Variants in POGZ observed in about 807,000 individuals in gnomAD.
POGZ encodes pogo transposable element derived with ZNF domain.
In POGZ, 17 loss-of-function variants were observed where a neutral mutation model predicts 134.6. The ratio of observed to expected loss-of-function variants is 0.13; its 90% CI spans 0.09 to 0.19. POGZ has a LOEUF of 0.19. Among genes scored for constraint, POGZ ranks in the 10% least tolerant of loss-of-function variants. POGZ has a pLI of 1.00. For synonymous variants in POGZ, 693 were observed against 657.1 expected (o/e 1.05, Z -0.84); for missense variants, 1,306 against 1,769.7 (o/e 0.74, Z 4.70).
Position 151,424,161 on chromosome 1 carries a change from A to G in POGZ, c.1311T>C (p.Ser437=). The change falls in exon 9 of 19, where the codon TCT becomes TCC. Residue 437 remains serine, a synonymous_variant. Transcript: ENST00000271715. ...EKTAPVASTP[S]STPIPALSPP... ...GTGACAGAGCAGGAATAGGTGTAGAAGAGGGTGTGGAAGCAACAGGAGCTG... is the reference window on the plus strand; with the variant it reads ...GTGACAGAGCAGGAATAGGTGTAGAGGAGGGTGTGGAAGCAACAGGAGCTG... 1 of 1,613,966 alleles carries G rather than the reference A, an allele frequency of 6.2e-7. No homozygotes were observed. Among genetic ancestry groups the G allele is most frequent in the Non-Finnish European group, 8.5e-7 (1 of 1,179,950 alleles).
At chr1:151,413,194 T>C (rs1225143175) in intron 10 of POGZ, among the ~76,000 whole-genome samples, 4 of 149,372 alleles carry the variant, frequency 2.7e-5, no homozygotes, top group Non-Finnish European at 5.9e-5. Context: ...CCTGAGTAGC[T>C]AGGACTATCC....
intron 1 of POGZ, among the ~76,000 whole-genome samples, chr1:151,445,653 C>A (rs1192764182): frequency 1.3e-5 from 2 of 151,156 alleles, no homozygotes; most frequent in African/African-American, 4.9e-5. Flanking sequence ...TAAGGTTTGT[C>A]AACTCAGAAA....
At position 151,406,148 on chromosome 1, in the gene POGZ, C is replaced by G; in HGVS notation, c.2887G>C (p.Gly963Arg). 6.2e-7 allele frequency: 1 copy of G among 1,614,110 alleles called. No individual in the cohort carries two copies. Among genetic ancestry groups the G allele is most frequent in the South Asian group, 1.1e-5 (1 of 91,080 alleles). ...TCCTTTTTGCCAACTCCACCACTAC[C>G]ACCACCACCTGATGCTAGCTCAGGT... is the stretch of plus-strand genomic sequence containing the variant. ...QEPELASGGGGSGGVGKKEQL... is the reference protein window; with the variant it reads ...QEPELASGGGRSGGVGKKEQL... The change falls in exon 19 of 19, where the codon GGT (glycine) becomes CGT (arginine). Residue 963 changes from glycine to arginine, a missense_variant. Physicochemically the swap from Gly to Arg is moderately radical, Grantham distance 125 (BLOSUM62 -2). This residue lies in a region of POGZ where 214 missense variants were observed against 255.5 expected (regional missense o/e 0.84). Coordinates refer to ENST00000271715, the MANE Select transcript of POGZ (RefSeq NM_015100.4).
At chr1:151,416,327 C>T (rs1655685809) in intron 10 of POGZ, among the ~76,000 whole-genome samples, 1 of 150,128 alleles carries the variant, frequency 6.7e-6, no homozygotes. Context: ...GAGGCCAAAG[C>T]GGGTGGCTCA....
intron 10 of POGZ, among the ~76,000 whole-genome samples, chr1:151,418,562 T>G (rs1321330856): frequency 6.6e-6 from 1 of 152,226 alleles, no homozygotes; most frequent in Non-Finnish European, 1.5e-5. Context: ...TTGTAAATTT[T>G]AAAATAGCTA....
chr1:151,428,220 G>C lies in POGZ; in HGVS notation c.762C>G (p.Ser254Arg). Residue 254 changes from serine (S) to arginine (R), a missense_variant, in exon 6 of 19, where the codon AGC becomes AGG. Ser to Arg is a moderately radical substitution (Grantham distance 110). Transcript: ENST00000271715. The part of the protein sequence containing the change: ...SQSQQTKSTP[S>R]TSTTPTATQP... ...GTGTGGCAGTGGGAGTGGTAGAAGT[G>C]CTGGGAGTGGACTTGGTCTGCTGGG... 6.2e-7 allele frequency: 1 copy of C among 1,614,006 alleles called. No homozygotes were observed. Among genetic ancestry groups the C allele is most frequent in the Non-Finnish European group, 8.5e-7 (1 of 1,179,872 alleles).
chr1:151,421,570 G>A (rs1656922995), intron 10 of POGZ, among the ~76,000 whole-genome samples: 1 of 152,144 alleles, frequency 6.6e-6, no homozygotes, highest in African/African-American at 2.4e-5. Context: ...AAAGAAAGAT[G>A]GGAAGATAAG....
chr1:151,423,462 T>G lies in POGZ; in HGVS notation c.1613A>C (p.Gln538Pro). Residue 538 changes from glutamine (Q) to proline (P), a missense_variant, in exon 10 of 19, where the codon CAG becomes CCG. Gln to Pro is a moderately conservative substitution (Grantham distance 76). Around this residue, in one of 10 missense-constraint regions of POGZ, gnomAD observed 541 missense variants for 680.5 expected, o/e 0.80. Coordinates refer to ENST00000271715, the MANE Select transcript of POGZ (RefSeq NM_015100.4). Reference protein sequence around the residue: ...GHTICQHCYRQFSTPFQLQCH... With the variant: ...GHTICQHCYRPFSTPFQLQCH... ...CTGAAGCTGGAAGGGAGTGGAAAACTGGCGGTAACAGTGCTGGCAGATAGT... is the reference window on the plus strand; with the variant it reads ...CTGAAGCTGGAAGGGAGTGGAAAACGGGCGGTAACAGTGCTGGCAGATAGT... 1 of 1,614,096 alleles carries G rather than the reference T, an allele frequency of 6.2e-7. No individual in the cohort carries two copies. The highest frequency in any genetic ancestry group is 8.5e-7 in the Non-Finnish European group (1 of 1,179,896).
At chr1:151,436,142 G>A (rs938235085) in intron 3 of POGZ, among the ~76,000 whole-genome samples, 1 of 151,638 alleles carries the variant, frequency 6.6e-6, no homozygotes, top group Non-Finnish European at 1.5e-5. Flanking sequence ...ATTTTTAGTA[G>A]AAACAGGGTT....
At chr1:151,425,224 C>A (rs1349567755) in intron 7 of POGZ, 163 bp from the exon 8 acceptor site, 1 of 491,990 alleles carries the variant, frequency 2.0e-6, no homozygotes. Flanking sequence ...TTTTGAGACA[C>A]GGTCTCTCAG....
chr1:151,415,505 C>T (rs780584555), intron 10 of POGZ, among the ~76,000 whole-genome samples: 4 of 151,536 alleles, frequency 2.6e-5, no homozygotes, highest in Non-Finnish European at 4.4e-5. Flanking sequence ...CCCGTCTCTA[C>T]TAAAAATGCA....
chr1:151,410,453 C>G (rs755374964), intron 12 of POGZ, among the ~76,000 whole-genome samples: 1 of 152,136 alleles, frequency 6.6e-6, no homozygotes, highest in African/African-American at 2.4e-5. Flanking sequence ...ACATTTTGAT[C>G]ACACCCTTTT....
intron 5 of POGZ, 178 bp downstream of exon 5, chr1:151,429,425 C>T (rs1220550356): frequency 7.8e-6 from 3 of 382,304 alleles, no homozygotes; most frequent in Non-Finnish European, 1.4e-5. Flanking sequence ...TAAATAAAAC[C>T]ACCACCCTGG....
chr1:151,424,430 C>G (rs1241292281), intron 8 of POGZ, 144 bp from the exon 9 acceptor site: 5 of 571,536 alleles, frequency 8.7e-6, no homozygotes. Context: ...TTAGCGTTTC[C>G]AAGTTTTACT....
rs58342858 is a variant in POGZ at position 151,448,867 on chromosome 1, A to AAAACAAAC, written c.-1-6670_-1-6663dup. On this transcript the variant is annotated intron_variant, in intron 1 of 18. Coordinates refer to ENST00000271715, the MANE Select transcript of POGZ (RefSeq NM_015100.4). ...GCAACAGAGCAAGACCCTGTTCTCAAAAACAAACAAACAAACAAACACGCA... is the reference window on the plus strand; with the variant it reads ...GCAACAGAGCAAGACCCTGTTCTCAAAAACAAACAAACAAACAAACAAACAAACACGCA... 2.1e-4 allele frequency among the ~76,000 whole-genome samples: 32 copies of AAAACAAAC among 152,070 alleles called. No individual in the cohort carries two copies. The East Asian group carries it at 5.3e-3, about 25-fold the overall frequency.
At chr1:151,453,947 T>C (rs1662458439) in intron 1 of POGZ, among the ~76,000 whole-genome samples, 1 of 152,200 alleles carries the variant, frequency 6.6e-6, no homozygotes, top group Admixed American at 6.5e-5. Flanking sequence ...TTAAGGTATT[T>C]AATGGGCAGC....
chr1:151,440,440 T>A (rs1025286668), intron 3 of POGZ, among the ~76,000 whole-genome samples: 1 of 151,764 alleles, frequency 6.6e-6, no homozygotes, highest in Non-Finnish European at 1.5e-5. Context: ...TTAAAAAAAA[T>A]AAAATAAAAT....
intron 12 of POGZ, 109 bp from the exon 13 acceptor site, chr1:151,408,937 T>G (rs1478275258): frequency 2.1e-6 from 2 of 932,798 alleles, no homozygotes; most frequent in Non-Finnish European, 3.3e-6. Flanking sequence ...TCTTCCCACC[T>G]TTCTGTTGAT....
Position 151,429,611 on chromosome 1 carries a change from A to T in POGZ, c.560T>A (p.Leu187Gln). ...QQGQTVRPIT[L>Q]VPAPGTQFVK... Reference sequence around the variant, plus strand: ...TAGACATTTTTCCTTACCTGGAACTAGTGTAATTGGTCTAACCGTTTGGCC... The same window carrying T: ...TAGACATTTTTCCTTACCTGGAACTTGTGTAATTGGTCTAACCGTTTGGCC... The change falls in exon 5 of 19, where the codon CTA (leucine) becomes CAA (glutamine). Residue 187 changes from leucine to glutamine, a missense_variant. By Grantham distance (113) the Leu-to-Gln change is moderately radical. Transcript: ENST00000271715. The T allele has an allele frequency of 6.4e-7, 1 of 1,560,534 alleles. No individual in the cohort carries two copies. The highest frequency in any genetic ancestry group is 8.8e-7 in the Non-Finnish European group (1 of 1,132,322).
Sources: allele counts gnomAD v4.1 joint callset (sites outside exome capture counted in the v4.1 genomes callset), GRCh38; gene constraint gnomAD v4.1.1; regional missense constraint gnomAD v4.1.1; transcripts MANE v1.5; gene names NCBI Gene and HGNC (gene_info 2026-07-23, HGNC 2026-07-21).